The following PLXNA2 variants were observed in gnomAD, a reference collection of about 807,000 sequenced individuals.
PLXNA2 encodes the protein plexin-A2.
Under a neutral mutation model 193.5 loss-of-function variants are expected in PLXNA2, and 91 were observed. The observed-to-expected ratio is 0.47, with a 90% confidence interval of 0.40 to 0.56. The LOEUF is 0.56. PLXNA2 is among the 20% of genes least tolerant of loss of function. The probability of loss-of-function intolerance (pLI) is 0.00; values close to 1 mark genes in which losing one functional copy is unlikely to be tolerated. For missense variants in PLXNA2, 1,995 were observed against 2,503.2 expected, an observed-to-expected ratio of 0.80 and a Z score of 4.33; for synonymous variants, 997 against 1,027.3, an observed-to-expected ratio of 0.97 and a Z score of 0.56.
intron 1 of PLXNA2, among the ~76,000 whole-genome samples, chr1:208,233,003 G>A (rs1050167992): frequency 5.3e-5 from 8 of 152,172 alleles, no homozygotes; most frequent in African/African-American, 1.9e-4. Flanking sequence ...CTCTATGCAG[G>A]AATCTCTTCT....
rs896269543 is a variant in PLXNA2 at position 208,095,909 on chromosome 1, T to C, written c.1982+120A>G. ...TGTCCAAACAAAGTGTCAGGCCCCATGGGGAAACTGTGAGGTGACTACAAC... is the reference window on the plus strand; with the variant it reads ...TGTCCAAACAAAGTGTCAGGCCCCACGGGGAAACTGTGAGGTGACTACAAC... On this transcript the variant is annotated intron_variant, in intron 8 of 31. Transcript: ENST00000367033. 5.3e-6 allele frequency: 4 copies of C among 755,652 alleles called. No individual in the cohort carries two copies. In the East Asian group the frequency reaches 7.4e-5, roughly 14 times the overall value. 46.8% of individuals were successfully genotyped at this position (755,652 alleles called of 1,614,324 possible).
intron 1 of PLXNA2, among the ~76,000 whole-genome samples, chr1:208,224,468 GCA>G (rs957726792): frequency 6.6e-6 from 1 of 151,730 alleles, no homozygotes; most frequent in Non-Finnish European, 1.5e-5. Flanking sequence ...TGTCACTCAT[GCA>G]CAGACACCGA....
rs535334442 is a variant in PLXNA2 at position 208,230,918 on chromosome 1, G to A, written c.-81+12725C>T. Among the ~76,000 whole-genome samples, 42 of 152,304 alleles carry A rather than the reference G, an allele frequency of 2.8e-4. 1 individual carries two copies. Among genetic ancestry groups the A allele is most frequent in the African/African-American group, 9.9e-4 (41 of 41,568 alleles). On this transcript the variant is annotated intron_variant, in intron 1 of 31. Transcript: ENST00000367033. ...AGTGCCATGGAGCTGGATTAAAGGG[G>A]CATGCAGAAACTGAGGGGTGGCTGG...
At chr1:208,199,535 A>G (rs571118462) in intron 3 of PLXNA2, among the ~76,000 whole-genome samples, 1 of 152,232 alleles carries the variant, frequency 6.6e-6, no homozygotes, top group African/African-American at 2.4e-5. Flanking sequence ...TACTAAAAAT[A>G]CAAAAATTAA....
intron 4 of PLXNA2, among the ~76,000 whole-genome samples, chr1:208,139,486 C>T (rs1668404224): frequency 6.6e-6 from 1 of 152,158 alleles, no homozygotes; most frequent in Non-Finnish European, 1.5e-5. Flanking sequence ...GAAATTCCCC[C>T]TTTATTGTCT....
chr1:208,050,512 A>G (rs1665221974), intron 17 of PLXNA2, among the ~76,000 whole-genome samples: 2 of 152,260 alleles, frequency 1.3e-5, no homozygotes, highest in African/African-American at 4.8e-5. Flanking sequence ...CCTTCTGACA[A>G]GAAATTGTAC....
At chr1:208,079,881 G>A (rs1206288166) in intron 11 of PLXNA2, among the ~76,000 whole-genome samples, 1 of 152,136 alleles carries the variant, frequency 6.6e-6, no homozygotes, top group Admixed American at 6.5e-5. Context: ...TGTTTATTAT[G>A]TTTTCTTTGA....
chr1:208,229,527 T>G (rs1200017044), intron 1 of PLXNA2, among the ~76,000 whole-genome samples: 1 of 152,168 alleles, frequency 6.6e-6, no homozygotes, highest in African/African-American at 2.4e-5. Flanking sequence ...ACTAATACAC[T>G]TGGCTCAGGG....
intron 22 of PLXNA2, among the ~76,000 whole-genome samples, chr1:208,041,228 C>T (rs114787258): frequency 6.4e-4 from 97 of 152,274 alleles, no homozygotes; most frequent in African/African-American, 2.2e-3. Context: ...CCTCACCCCA[C>T]GTGGGGCCTG....
intron 1 of PLXNA2, among the ~76,000 whole-genome samples, chr1:208,235,545 A>G (rs11119017): frequency 0.39 from 58,862 of 152,136 alleles, 11,599 homozygotes; most frequent in Middle Eastern, 0.44. Context: ...GGCAGGAGCC[A>G]ATTCTGCCAG....
rs1212323465 is a variant in PLXNA2, at chr1:208,084,489, G to A, written c.2189C>T (p.Pro730Leu). 2 of 1,614,250 alleles carry A rather than the reference G, an allele frequency of 1.2e-6. No individual in the cohort carries two copies. Among genetic ancestry groups the A allele is most frequent in the Non-Finnish European group, 1.7e-6 (2 of 1,180,052 alleles). Residue 730 changes from proline (P) to leucine (L), a missense_variant, in exon 10 of 32, where the codon CCG becomes CTG. This residue lies in a region of PLXNA2 where 1,291 missense variants were observed against 1,673.6 expected (regional missense o/e 0.77). Transcript: ENST00000367033. ...ITLKARNLPQPQSGQRGYECV... is the reference protein window; with the variant it reads ...ITLKARNLPQLQSGQRGYECV... Reference sequence around the variant, plus strand: ...CTCATAGCCTCGCTGGCCGGACTGCGGCTGGGGCAGATTTCGCGCCTTAAG... The same window carrying A: ...CTCATAGCCTCGCTGGCCGGACTGCAGCTGGGGCAGATTTCGCGCCTTAAG...
At chr1:208,116,180 C>T (rs1667634932) in intron 4 of PLXNA2, among the ~76,000 whole-genome samples, 1 of 152,150 alleles carries the variant, frequency 6.6e-6, no homozygotes, top group Non-Finnish European at 1.5e-5. Context: ...CCTCCCTCCT[C>T]CAGGAAGTCT....
chr1:208,071,916 C>G (rs957696431), intron 12 of PLXNA2, among the ~76,000 whole-genome samples: 9 of 152,160 alleles, frequency 5.9e-5, no homozygotes, highest in South Asian at 4.1e-4. Context: ...TTTGGTGCAG[C>G]CTTGCAGATA....
At chr1:208,062,253 G>A (rs1229443513) in intron 12 of PLXNA2, among the ~76,000 whole-genome samples, 1 of 152,160 alleles carries the variant, frequency 6.6e-6, no homozygotes, top group Non-Finnish European at 1.5e-5. Context: ...AGGTGGAGAT[G>A]ATGGATGAGT....
chr1:208,103,752 C>G (rs1667173032), intron 4 of PLXNA2, among the ~76,000 whole-genome samples: 1 of 152,226 alleles, frequency 6.6e-6, no homozygotes, highest in Admixed American at 6.5e-5. Flanking sequence ...CACCTGGATC[C>G]AATTATCCCA....
intron 4 of PLXNA2, among the ~76,000 whole-genome samples, chr1:208,107,129 C>T (rs960925482): frequency 6.6e-6 from 1 of 152,194 alleles, no homozygotes; most frequent in African/African-American, 2.4e-5. Flanking sequence ...AGCAATGGCC[C>T]TCAGTGTATG....
At chr1:208,031,555 G>A in intron 29 of PLXNA2, 35 bp downstream of exon 29, 2 of 1,613,062 alleles carry the variant, frequency 1.2e-6, no homozygotes, top group African/African-American at 1.3e-5. Context: ...GGCCTCTCCA[G>A]GCTGCACCTC....
intron 3 of PLXNA2, among the ~76,000 whole-genome samples, chr1:208,145,448 C>T (rs1177586525): frequency 3.3e-5 from 5 of 152,198 alleles, no homozygotes; most frequent in South Asian, 2.1e-4. Flanking sequence ...TGGAATAGTC[C>T]GCTGTTTTCA....
chr1:208,055,854 T>C (rs1665413866), intron 13 of PLXNA2, among the ~76,000 whole-genome samples: 1 of 152,258 alleles, frequency 6.6e-6, no homozygotes, highest in South Asian at 2.1e-4. Context: ...CTTTCACTCC[T>C]AGCGAATATT....
Sources: gnomAD v4.1 joint callset for allele counts (sites outside exome capture counted in the v4.1 genomes callset) on GRCh38, gnomAD v4.1.1 for gene constraint, gnomAD v4.1.1 regional missense constraint, MANE v1.5 for transcripts, NCBI Gene and HGNC (gene_info 2026-07-23, HGNC 2026-07-21) for gene names.